Variants in SGK1 observed in about 807,000 individuals in gnomAD.
The protein encoded by SGK1 is serine/threonine-protein kinase Sgk1.
Under a neutral mutation model 64.2 loss-of-function variants are expected in SGK1, and 26 were observed. The observed-to-expected ratio is 0.40, with a 90% CI of 0.30 to 0.56. The LOEUF (loss-of-function observed/expected upper bound fraction) is 0.56, where lower values mean the gene tolerates loss of function less well. SGK1 is among the 20% of genes least tolerant of loss of function. SGK1 has a pLI of 0.38. For missense variants in SGK1, 519 were observed against 645.6 expected, an observed-to-expected ratio of 0.80 and a Z score of 2.12; for synonymous variants, 265 against 239.7, an observed-to-expected ratio of 1.11 and a Z score of -0.98.
intron 1 of SGK1, among the ~76,000 whole-genome samples, chr6:134,301,602 TC>T (rs1484196040): frequency 2.7e-5 from 4 of 150,790 alleles, no homozygotes; most frequent in Non-Finnish European, 5.9e-5. Context: ...TCTTCTCTTT[TC>T]TTTTTGAGAC....
At chr6:134,235,352 T>A (rs1776345579) in intron 2 of SGK1, among the ~76,000 whole-genome samples, 1 of 151,978 alleles carries the variant, frequency 6.6e-6, no homozygotes, top group Non-Finnish European at 1.5e-5. Context: ...AGGGAGTTAA[T>A]GCCAACTCTG....
intron 3 of SGK1, among the ~76,000 whole-genome samples, chr6:134,186,361 A>T (rs1775423407): frequency 6.6e-6 from 1 of 152,236 alleles, no homozygotes. Flanking sequence ...AATTAACAAT[A>T]CTTAAATACT....
intron 1 of SGK1, among the ~76,000 whole-genome samples, chr6:134,287,374 AT>A (rs988361243): frequency 2.0e-5 from 3 of 150,440 alleles, no homozygotes; most frequent in African/African-American, 4.9e-5. Context: ...TGTCCTATAA[AT>A]TTTTTTGTTA....
intron 1 of SGK1, among the ~76,000 whole-genome samples, chr6:134,292,676 G>A (rs551209842): frequency 6.6e-6 from 1 of 152,312 alleles, no homozygotes; most frequent in East Asian, 1.9e-4. Context: ...AGTAGATACA[G>A]AAAAGTGAGA....
chr6:134,261,865 G>A, intron 2 of SGK1, 68 bp downstream of exon 2: 2 of 1,150,582 alleles, frequency 1.7e-6, no homozygotes, highest in Non-Finnish European at 2.6e-6. Context: ...TACTCTGGCA[G>A]AAATACAAGA....
At chr6:134,283,487 C>A (rs1397511072) in intron 1 of SGK1, among the ~76,000 whole-genome samples, 2 of 150,024 alleles carry the variant, frequency 1.3e-5, no homozygotes, top group Non-Finnish European at 3.0e-5. Flanking sequence ...TGAAACTCTG[C>A]CTTAAAAAAA....
At chr6:134,252,390 G>A (rs543903705) in intron 2 of SGK1, among the ~76,000 whole-genome samples, 2 of 152,164 alleles carry the variant, frequency 1.3e-5, no homozygotes, top group African/African-American at 2.4e-5. Context: ...AGTTATAATC[G>A]AACTCTTTCA....
chr6:134,240,144 T>C (rs1776421217), intron 2 of SGK1, among the ~76,000 whole-genome samples: 1 of 151,706 alleles, frequency 6.6e-6, no homozygotes. Context: ...ATACCAAAAT[T>C]AGACAGGGAT....
rs573002245 is a variant in SGK1 at position 134,197,355 on chromosome 6, C to T, written c.361+10001G>A. ...TGAGATGTGGTACTACTTGTCTGTA[C>T]ATTTTTTTTCTCATTTCTGTCTACC... is the stretch of plus-strand genomic sequence containing the variant. On this transcript the variant is annotated intron_variant, in intron 3 of 13. Transcript: ENST00000367858. Among the ~76,000 whole-genome samples, 4 of 152,156 alleles carry T rather than the reference C, an allele frequency of 2.6e-5. No individual in the cohort carries two copies. The South Asian group carries it at 6.2e-4, about 24-fold the overall frequency.
intron 3 of SGK1, among the ~76,000 whole-genome samples, chr6:134,201,525 C>A (rs1775684383): frequency 6.6e-6 from 1 of 151,954 alleles, no homozygotes; most frequent in South Asian, 2.1e-4. Flanking sequence ...CCAGGCCTAG[C>A]TAATTTTTGT....
chr6:134,175,714 C>A, intron 3 of SGK1: 2 of 1,395,788 alleles, frequency 1.4e-6, no homozygotes. Flanking sequence ...CGAGCACTGA[C>A]GTTTCCTTGA....
intron 2 of SGK1, among the ~76,000 whole-genome samples, chr6:134,219,815 T>C (rs1241039369): frequency 2.1e-5 from 3 of 145,384 alleles, no homozygotes; most frequent in African/African-American, 7.6e-5. Context: ...GTCCCAGCAC[T>C]TTGGGAGGCC....
chr6:134,204,603 G>C (rs193008214), intron 3 of SGK1, among the ~76,000 whole-genome samples: 147 of 149,240 alleles, frequency 9.8e-4, no homozygotes, highest in Non-Finnish European at 1.6e-3. Context: ...GCCCAGGCTG[G>C]AATGCAATGG....
chr6:134,194,135 T>C (rs1443935986), intron 3 of SGK1, among the ~76,000 whole-genome samples: 2 of 151,288 alleles, frequency 1.3e-5, no homozygotes. Flanking sequence ...AGAGAAAGTG[T>C]GAACTTTACA....
intron 1 of SGK1, among the ~76,000 whole-genome samples, chr6:134,316,593 A>T (rs1198066715): frequency 1.3e-5 from 2 of 152,074 alleles, no homozygotes; most frequent in Non-Finnish European, 2.9e-5. Flanking sequence ...ATTGTGAAAT[A>T]TACATGCAAA....
rs1562259716 is a variant in SGK1 at position 134,232,417 on chromosome 6, A to AAGAAAGAGAGAGAGAGAGAG, written c.286-24987_286-24986insCTCTCTCTCTCTCTCTTTCT. 3.1e-3 allele frequency among the ~76,000 whole-genome samples: 67 copies of AAGAAAGAGAGAGAGAGAGAG among 21,558 alleles called. 4 individuals are homozygous for AAGAAAGAGAGAGAGAGAGAG. Among genetic ancestry groups the AAGAAAGAGAGAGAGAGAGAG allele is most frequent in the African/African-American group, 8.6e-3 (62 of 7,246 alleles). 14.1% of individuals were successfully genotyped at this position (21,558 alleles called of 152,430 possible). ...GAAAGAAGAAAAAGAAAGAAAGAGA[A>AAGAAAGAGAGAGAGAGAGAG]AGAAAGAAAGAAAGAAAGAAAGAAA... On this transcript the variant is annotated intron_variant, in intron 2 of 13. Coordinates refer to ENST00000367858, the MANE Select transcript of SGK1 (RefSeq NM_001143676.3).
At chr6:134,282,714 A>G (rs1038997343) in intron 1 of SGK1, among the ~76,000 whole-genome samples, 2 of 151,724 alleles carry the variant, frequency 1.3e-5, no homozygotes, top group Admixed American at 1.3e-4. Context: ...TATCTAATCA[A>G]TTGAAAAGCA....
intron 3 of SGK1, among the ~76,000 whole-genome samples, chr6:134,201,262 G>A (rs189047932): frequency 8.6e-5 from 13 of 151,644 alleles, no homozygotes; most frequent in African/African-American, 2.2e-4. Flanking sequence ...GGGTTTCACC[G>A]TGTTAGCCAG....
intron 1 of SGK1, among the ~76,000 whole-genome samples, chr6:134,265,484 CA>C (rs560164746): frequency 1.6e-4 from 23 of 145,992 alleles, no homozygotes; most frequent in South Asian, 4.3e-4. Flanking sequence ...AACAAACAAA[CA>C]AAAAAAATAT....
Sources: allele counts gnomAD v4.1 joint callset (sites outside exome capture counted in the v4.1 genomes callset), GRCh38; gene constraint gnomAD v4.1.1; transcripts MANE v1.5; gene names NCBI Gene and HGNC (gene_info 2026-07-23, HGNC 2026-07-21).